Variants in HELLS observed in about 807,000 individuals in gnomAD.
The protein encoded by HELLS is helicase, lymphoid specific, also known as lymphoid-specific helicase.
In HELLS, 32 loss-of-function variants were observed where a neutral mutation model predicts 120.0. The observed-to-expected ratio is 0.27, with a 90% CI of 0.20 to 0.36. The LOEUF (loss-of-function observed/expected upper bound fraction) is 0.36, where lower values mean the gene tolerates loss of function less well. Among genes scored for constraint, HELLS ranks in the 10% least tolerant of loss-of-function variants. The pLI is 1.00. For synonymous variants in HELLS, 341 were observed against 323.4 expected, an observed-to-expected ratio of 1.05 and a Z score of -0.58; for missense variants, 650 against 993.4, an observed-to-expected ratio of 0.65 and a Z score of 4.65.
At position 94,600,168 on chromosome 10, in the gene HELLS, A is replaced by G. The variant is rs183328707; in HGVS notation, c.2423-1360A>G. On this transcript the variant is annotated intron_variant, in intron 21 of 21. Transcript: ENST00000348459. ...TAGCGGGGCATGGAGGCATGTGCCT[A>G]TAATCCCAGCTACTCAGAAGGCTGA... 2.7e-3 allele frequency among the ~76,000 whole-genome samples: 412 copies of G among 152,184 alleles called. 1 individual carries two copies. Among genetic ancestry groups the G allele is most frequent in the Non-Finnish European group, 3.1e-3 (208 of 67,988 alleles).
chr10:94,584,154 A>G, intron 12 of HELLS: 1 of 1,038,766 alleles, frequency 9.6e-7, no homozygotes, highest in Non-Finnish European at 1.3e-6. Flanking sequence ...TGTTGCAGAG[A>G]TTAAAAAGGA....
In HELLS at chr10:94,554,700, AG is replaced by A. The variant is rs546340279; in HGVS notation, c.276+454del. On this transcript the variant is annotated intron_variant, in intron 3 of 21. Transcript: ENST00000348459. ...TAATGATCAATGGCTAGCTGCCCTT[AG>A]GTAGCTTCAGGATGGGAGCCTAAGA... is the stretch of plus-strand genomic sequence containing the variant. 1.2e-3 allele frequency among the ~76,000 whole-genome samples: 152 copies of A among 130,440 alleles called. 1 individual carries two copies. Among genetic ancestry groups the A allele is most frequent in the Middle Eastern group, 0.011 (2 of 188 alleles). 85.6% of individuals were successfully genotyped at this position (130,440 alleles called of 152,430 possible). A position where few individuals can be genotyped will look rare whatever the true frequency, so the allele number is the denominator to read the frequency against.
intron 2 of HELLS, among the ~76,000 whole-genome samples, chr10:94,547,081 C>A (rs774762299): frequency 6.6e-6 from 1 of 152,146 alleles, no homozygotes; most frequent in Non-Finnish European, 1.5e-5. Flanking sequence ...TTTTCAATGA[C>A]AAGTTGCTGT....
At position 94,596,972 on chromosome 10, in the gene HELLS, TAGAA is replaced by T. The variant is rs1393134964; in HGVS notation, c.2345+20_2345+23del. 1.4e-6 allele frequency: 2 copies of T among 1,464,752 alleles called. No homozygotes were observed. The highest frequency in any genetic ancestry group is 1.8e-5 in the Admixed American group (1 of 56,286). 90.7% of individuals were successfully genotyped at this position (1,464,752 alleles called of 1,614,324 possible). ...ATTATGAAAGGTGAGTTTTTAATTTTAGAAAGATTTAATTTGTAGCTTTGAATTA... is the reference window on the plus strand; with the variant it reads ...ATTATGAAAGGTGAGTTTTTAATTTTAGATTTAATTTGTAGCTTTGAATTA... On this transcript the variant is annotated intron_variant, in intron 20 of 21. Transcript: ENST00000348459.
exon 10 of HELLS, chr10:94,609,987 G>A (rs1846173666): frequency 6.6e-6 from 1 of 152,194 alleles, no homozygotes; most frequent in East Asian, 1.9e-4. Context: ...GCAACTCTGA[G>A]ATTAAATTCA....
intron 4 of HELLS, 66 bp from the exon 5 acceptor site, chr10:94,562,625 G>T: frequency 9.2e-7 from 1 of 1,084,752 alleles, no homozygotes; most frequent in Admixed American, 2.3e-5. Context: ...GTTAATCAGT[G>T]CCTTTTAACG....
At chr10:94,558,248 C>T in intron 4 of HELLS, 53 bp downstream of exon 4, 1 of 1,497,010 alleles carries the variant, frequency 6.7e-7, no homozygotes, top group Admixed American at 2.6e-5. Context: ...TGAAGAAATA[C>T]TTTTGTATTC....
chr10:94,554,027 A>C, intron 2 of HELLS, 99 bp from the exon 3 acceptor site: 1 of 1,153,930 alleles, frequency 8.7e-7, no homozygotes, highest in Non-Finnish European at 1.2e-6. Context: ...TGTTTGGTTT[A>C]AAAAATGTTA....
chr10:94,607,056 G>A (rs1846136974), downstream of HELLS, among the ~76,000 whole-genome samples: 1 of 152,162 alleles, frequency 6.6e-6, no homozygotes, highest in Non-Finnish European at 1.5e-5. Flanking sequence ...TCAAAATGTA[G>A]ACTTCCTCAG....
At chr10:94,590,128 A>G (rs1274911961) in intron 13 of HELLS, among the ~76,000 whole-genome samples, 1 of 152,214 alleles carries the variant, frequency 6.6e-6, no homozygotes, top group Non-Finnish European at 1.5e-5. Context: ...TATCCTCTGT[A>G]CTGCAAATTT....
intron 9 of HELLS, 113 bp from the exon 10 acceptor site, chr10:94,576,549 A>G: frequency 1.8e-6 from 1 of 556,340 alleles, no homozygotes; most frequent in East Asian, 3.1e-5. Flanking sequence ...GAAAAATAGA[A>G]ATAAAATTTT....
At chr10:94,590,585 T>C (rs761585360) in intron 14 of HELLS, 33 bp downstream of exon 14, 1 of 1,610,904 alleles carries the variant, frequency 6.2e-7, no homozygotes, top group Non-Finnish European at 8.5e-7. Flanking sequence ...AAGTATTCTT[T>C]AAACTGTGAC....
intron 4 of HELLS, among the ~76,000 whole-genome samples, chr10:94,562,260 G>A (rs1234629807): frequency 2.0e-5 from 3 of 151,980 alleles, no homozygotes; most frequent in Non-Finnish European, 4.4e-5. Context: ...AAAATTAGCC[G>A]GGCGTGGTGG....
At chr10:94,562,761 C>A in intron 5 of HELLS, 34 bp downstream of exon 5, 1 of 1,545,594 alleles carries the variant, frequency 6.5e-7, no homozygotes. Context: ...GAAGAATATG[C>A]GTTTATATTT....
intron 10 of HELLS, among the ~76,000 whole-genome samples, chr10:94,578,275 C>T (rs2134067531): frequency 6.6e-6 from 1 of 152,162 alleles, no homozygotes; most frequent in African/African-American, 2.4e-5. Context: ...AACCTTTTGG[C>T]ACCAGGAACC....
In HELLS at chr10:94,582,944, A is replaced by G; in HGVS notation, c.1230-19A>G. On this transcript the variant is annotated intron_variant, in intron 11 of 21. Coordinates refer to ENST00000348459, the MANE Select transcript of HELLS (RefSeq NM_018063.5). ...ATTGAATTTATGTGATGGTTAACTT[A>G]AACATTTTTCTCTTCCAGCTTTGAG... 2.8e-6 allele frequency: 4 copies of G among 1,423,824 alleles called. No individual in the cohort carries two copies. Among genetic ancestry groups the G allele is most frequent in the South Asian group, 2.5e-5 (2 of 81,158 alleles). 88.2% of individuals were successfully genotyped at this position (1,423,824 alleles called of 1,614,324 possible).
intron 4 of HELLS, 133 bp downstream of exon 4, chr10:94,558,328 A>G (rs1214075499): frequency 2.5e-5 from 26 of 1,060,636 alleles, no homozygotes; most frequent in East Asian, 1.3e-4. Flanking sequence ...GTTACAAGCA[A>G]TGCAGAAACA....
chr10:94,587,702 C>T (rs1011063162), intron 12 of HELLS, among the ~76,000 whole-genome samples: 1 of 152,192 alleles, frequency 6.6e-6, no homozygotes, highest in African/African-American at 2.4e-5. Flanking sequence ...GCTGTGATTA[C>T]AAGTGTGAGC....
intron 15 of HELLS, 150 bp from the exon 16 acceptor site, chr10:94,592,079 C>A (rs1018402627): frequency 3.5e-6 from 2 of 571,750 alleles, no homozygotes; most frequent in East Asian, 2.9e-5. Flanking sequence ...TAATAACTAT[C>A]TTCTGATTTT....
Sources: gnomAD v4.1 joint callset for allele counts (sites outside exome capture counted in the v4.1 genomes callset) on GRCh38, gnomAD v4.1.1 for gene constraint, MANE v1.5 for transcripts, NCBI Gene and HGNC (gene_info 2026-07-23, HGNC 2026-07-21) for gene names.